Variants in PPME1 observed in about 807,000 individuals in gnomAD.
PPME1 encodes the protein protein phosphatase methylesterase 1, also known as testicular secretory protein Li 39.
In PPME1, 17 loss-of-function variants were observed where a neutral mutation model predicts 56.9. The observed-to-expected ratio is 0.30, with a 90% CI of 0.20 to 0.45. The LOEUF (loss-of-function observed/expected upper bound fraction) is 0.45. Among genes scored for constraint, PPME1 ranks in the 20% least tolerant of loss-of-function variants. The probability of loss-of-function intolerance (pLI) is 1.00; values close to 1 mark genes in which losing one functional copy is unlikely to be tolerated. For synonymous variants in PPME1, 122 were observed against 156.2 expected, an observed-to-expected ratio of 0.78 and a Z score of 1.63; for missense variants, 357 against 483.2, an observed-to-expected ratio of 0.74 and a Z score of 2.45.
rs1295573750 is a variant in PPME1 at position 74,254,578 on chromosome 11, C to A, written c.*1068C>A. 6.5e-6 allele frequency: 1 copy of A among 153,170 alleles called. No individual in the cohort carries two copies. Among genetic ancestry groups the A allele is most frequent in the Non-Finnish European group, 1.5e-5 (1 of 68,196 alleles). 9.5% of individuals were successfully genotyped at this position (153,170 alleles called of 1,614,324 possible). ...GTGACTGTCTTAGGTGATGTGTAGCCCCCTCCACCTTTCCACTCAACAACC... is the reference window on the plus strand; with the variant it reads ...GTGACTGTCTTAGGTGATGTGTAGCACCCTCCACCTTTCCACTCAACAACC... On this transcript the variant is annotated 3_prime_UTR_variant, in exon 14 of 14. Coordinates refer to ENST00000328257, the MANE Select transcript of PPME1 (RefSeq NM_016147.3).
chr11:74,202,309 G>A (rs917351705), intron 1 of PPME1, among the ~76,000 whole-genome samples: 4 of 152,188 alleles, frequency 2.6e-5, no homozygotes, highest in African/African-American at 9.7e-5. Flanking sequence ...TTCTAGAGGT[G>A]AGACCCAAGC....
At chr11:74,241,813 C>G (rs567550071) in intron 9 of PPME1, among the ~76,000 whole-genome samples, 1 of 152,036 alleles carries the variant, frequency 6.6e-6, no homozygotes, top group Non-Finnish European at 1.5e-5. Flanking sequence ...TTGTTAGATA[C>G]GTTGCCCATT....
intron 7 of PPME1, among the ~76,000 whole-genome samples, chr11:74,234,738 G>A (rs1859150498): frequency 6.6e-6 from 1 of 152,218 alleles, no homozygotes; most frequent in African/African-American, 2.4e-5. Flanking sequence ...GAGGAGCTTT[G>A]CTGTATAGGA....
At chr11:74,225,173 G>A (rs1399747742) in intron 4 of PPME1, 32 bp from the exon 5 acceptor site, 5 of 1,411,982 alleles carry the variant, frequency 3.5e-6, no homozygotes, top group Non-Finnish European at 4.8e-6. Context: ...CCTGTCTGTG[G>A]GAATTTTATT....
rs767361449 is a variant in PPME1 at position 74,251,630 on chromosome 11, T to A, written c.1075-18T>A. The A allele has an allele frequency of 6.2e-7, 1 of 1,612,036 alleles. No individual in the cohort carries two copies. The highest frequency in any genetic ancestry group is 1.7e-5 in the Admixed American group (1 of 59,990). ...TCACTAACCTTTATATGGCCTGGAA[T>A]ATCTCTCCCATTTCCAGGTAGCTGA... On this transcript the variant is annotated intron_variant, in intron 12 of 13. Transcript: ENST00000328257.
chr11:74,181,249 CTTGT>C (rs1348583523), intron 1 of PPME1, among the ~76,000 whole-genome samples: 1 of 151,654 alleles, frequency 6.6e-6, no homozygotes, highest in African/African-American at 2.4e-5. Flanking sequence ...GGGGTTTCAC[CTTGT>C]TAGCCAGGAT....
intron 12 of PPME1, 72 bp downstream of exon 12, chr11:74,251,090 T>G: frequency 1.3e-6 from 2 of 1,542,882 alleles, no homozygotes; most frequent in Non-Finnish European, 1.8e-6. Context: ...AAGACAAGTC[T>G]CTGAGTCTCA....
At chr11:74,196,886 C>T (rs1015517854) in intron 1 of PPME1, among the ~76,000 whole-genome samples, 2 of 152,148 alleles carry the variant, frequency 1.3e-5, no homozygotes, top group Non-Finnish European at 2.9e-5. Context: ...GCTGGAAGCT[C>T]CCAAGTGTGG....
chr11:74,248,284 A>C (rs1483315376), intron 11 of PPME1: 4 of 152,174 alleles, frequency 2.6e-5, no homozygotes, highest in Non-Finnish European at 5.9e-5. Context: ...TTTCTTCCCT[A>C]CTTACTCTCC....
intron 1 of PPME1, among the ~76,000 whole-genome samples, chr11:74,198,021 AG>A (rs754041340): frequency 1.3e-5 from 2 of 152,118 alleles, no homozygotes; most frequent in African/African-American, 2.4e-5. Context: ...TGGCAATAGG[AG>A]GGGGGAGGAA....
At chr11:74,204,224 T>C (rs2135624432) in intron 2 of PPME1, 129 bp from the exon 3 acceptor site, 1 of 638,926 alleles carries the variant, frequency 1.6e-6, no homozygotes, top group East Asian at 2.9e-5. Flanking sequence ...CTCAGAAAAG[T>C]CTGCTTACAT....
At chr11:74,182,908 A>G (rs1457643977) in intron 1 of PPME1, among the ~76,000 whole-genome samples, 3 of 151,618 alleles carry the variant, frequency 2.0e-5, no homozygotes, top group Non-Finnish European at 4.4e-5. Context: ...TGTAATCCCA[A>G]CACTTTGGGA....
intron 11 of PPME1, chr11:74,247,341 A>C: frequency 1.9e-6 from 1 of 521,586 alleles, no homozygotes; most frequent in Non-Finnish European, 3.4e-6. Flanking sequence ...CCATCCAAAA[A>C]TGAAGATTAT....
chr11:74,206,280 A>T (rs908544240), intron 3 of PPME1, among the ~76,000 whole-genome samples: 1 of 152,170 alleles, frequency 6.6e-6, no homozygotes, highest in African/African-American at 2.4e-5. Flanking sequence ...TCCTAGGCTT[A>T]TGAGTAATTT....
At chr11:74,202,653 C>T (rs931606285) in intron 1 of PPME1, among the ~76,000 whole-genome samples, 1 of 152,144 alleles carries the variant, frequency 6.6e-6, no homozygotes, top group African/African-American at 2.4e-5. Context: ...ATTGGGACAG[C>T]TTGGAATTTC....
intron 7 of PPME1, among the ~76,000 whole-genome samples, chr11:74,234,746 G>A (rs1445842512): frequency 2.0e-5 from 3 of 152,220 alleles, no homozygotes; most frequent in African/African-American, 7.2e-5. Context: ...TTGCTGTATA[G>A]GAGAGCAGAG....
At chr11:74,239,775 T>G (rs1205066878) in intron 9 of PPME1, among the ~76,000 whole-genome samples, 1 of 150,396 alleles carries the variant, frequency 6.6e-6, no homozygotes, top group Non-Finnish European at 1.5e-5. Flanking sequence ...AGAGACGGGG[T>G]TTCACCGGGT....
chr11:74,228,532 C>T (rs1044703191), intron 5 of PPME1, among the ~76,000 whole-genome samples: 14 of 152,322 alleles, frequency 9.2e-5, no homozygotes, highest in African/African-American at 2.9e-4. Flanking sequence ...ATATAAATAA[C>T]TCCCACATGC....
chr11:74,240,402 A>C (rs1010967583), intron 9 of PPME1, among the ~76,000 whole-genome samples: 1 of 152,184 alleles, frequency 6.6e-6, no homozygotes, highest in Non-Finnish European at 1.5e-5. Flanking sequence ...GTGTTTTATG[A>C]GTACTTGCCA....
Sources: gnomAD v4.1 joint callset for allele counts (sites outside exome capture counted in the v4.1 genomes callset) on GRCh38, gnomAD v4.1.1 for gene constraint, MANE v1.5 for transcripts, NCBI Gene and HGNC (gene_info 2026-07-23, HGNC 2026-07-21) for gene names.